YY1AP1: variants seen among roughly 807,000 people sequenced by gnomAD.
The protein encoded by YY1AP1 is YY1 associated protein 1.
A neutral mutation model predicts 39.9 loss-of-function variants in YY1AP1; 43 were observed. The observed-to-expected ratio is 1.08, with a 90% CI of 0.84 to 1.39. The LOEUF is 1.39. Among genes scored for constraint, YY1AP1 ranks in the 40% most tolerant of loss-of-function variants. The pLI, the probability that YY1AP1 is intolerant of heterozygous loss-of-function variation, is 0.00. For synonymous variants in YY1AP1, 292 were observed against 331.3 expected, an observed-to-expected ratio of 0.88 and a Z score of 1.29; for missense variants, 813 against 900.7, an observed-to-expected ratio of 0.90 and a Z score of 1.25.
intron 2 of YY1AP1, among the ~76,000 whole-genome samples, chr1:155,684,768 T>C (rs1651991095): frequency 6.6e-6 from 1 of 152,154 alleles, no homozygotes; most frequent in Non-Finnish European, 1.5e-5. Context: ...TGTATTTTAG[T>C]AGAGACGGGG....
chr1:155,659,502 A>C lies in YY1AP1; in HGVS notation c.*155T>G. 1.4e-6 allele frequency: 1 copy of C among 708,854 alleles called. No individual in the cohort carries two copies. Among genetic ancestry groups the C allele is most frequent in the African/African-American group, 1.8e-5 (1 of 56,602 alleles). The allele number at this position is 708,854 out of a possible 1,614,324, so 43.9% of individuals were successfully genotyped here. On this transcript the variant is annotated 3_prime_UTR_variant, in exon 11 of 11. Coordinates refer to ENST00000355499, the MANE Select transcript of YY1AP1 (RefSeq NM_139119.3). ...ATTGAAGCAAAAGTATATTCCACAG[A>C]GTGGGAGCAGGCTAAAGCAAGCTGC...
At chr1:155,674,581 C>T (rs1650354016) in intron 6 of YY1AP1, 1 of 166,846 alleles carries the variant, frequency 6.0e-6, no homozygotes, top group Admixed American at 6.0e-5. Flanking sequence ...AATCCCAGTA[C>T]TTTGGGAGGT....
At chr1:155,661,509 C>T in intron 9 of YY1AP1, 86 bp from the exon 10 acceptor site, 2 of 1,295,886 alleles carry the variant, frequency 1.5e-6, no homozygotes, top group Admixed American at 2.0e-5. Context: ...GGTGGTGGAT[C>T]AAGAGAAACA....
chr1:155,659,748 T>C lies in YY1AP1; in HGVS notation c.2162A>G (p.Glu721Gly). 1.2e-6 allele frequency: 2 copies of C among 1,614,222 alleles called. No individual in the cohort carries two copies. The highest frequency in any genetic ancestry group is 1.7e-6 in the Non-Finnish European group (2 of 1,180,038). The stretch of plus-strand genomic sequence containing the variant: ...CCCAGGGGAAGAGTTGTTTAGAGAC[T>C]CCTGGATGCCCTGAGGGAGCGGCTC... ...ALEPLPQGIQ[E>G]SLNNSSPGDL... Residue 721 changes from glutamate (E) to glycine (G), a missense_variant, in exon 11 of 11, where the codon GAG (glutamate) becomes GGG (glycine). Coordinates refer to ENST00000355499, the MANE Select transcript of YY1AP1 (RefSeq NM_139119.3).
rs574585167 is a variant in YY1AP1 at position 155,688,301 on chromosome 1, C to G, written c.-151-100G>C. The G allele has an allele frequency of 1.9e-6, 3 of 1,567,776 alleles. No individual in the cohort carries two copies. Among genetic ancestry groups the G allele is most frequent in the African/African-American group, 1.4e-5 (1 of 73,776 alleles). The stretch of plus-strand genomic sequence containing the variant: ...AACCGACACTGGGATCGTTTCCCCT[C>G]GCAAAGCGAACCCAAAATGGCGGCG... On this transcript the variant is annotated intron_variant, in intron 1 of 10. Transcript: ENST00000355499.
Position 155,670,467 on chromosome 1 carries a change from A to C in YY1AP1, c.584-3T>G, listed in dbSNP as rs767390195. The C allele has an allele frequency of 3.1e-6, 5 of 1,613,714 alleles. No homozygotes were observed. Among genetic ancestry groups the C allele is most frequent in the Non-Finnish European group, 4.2e-6 (5 of 1,179,950 alleles). On this transcript the variant is annotated splice_polypyrimidine_tract_variant and splice_region_variant and intron_variant, in intron 7 of 10. Coordinates refer to ENST00000355499, the MANE Select transcript of YY1AP1 (RefSeq NM_139119.3). ...TGGCAAACAGGGAAATTCATTGGCT[A>C]TAAGAAAATAAATCTCTGATAAATC...
chr1:155,686,839 G>A (rs1384342543), intron 2 of YY1AP1, among the ~76,000 whole-genome samples: 1 of 151,834 alleles, frequency 6.6e-6, no homozygotes, highest in Non-Finnish European at 1.5e-5. Flanking sequence ...GACACAATCG[G>A]TCTCCCCCAA....
chr1:155,684,593 CAG>C (rs1364883942), intron 2 of YY1AP1, among the ~76,000 whole-genome samples: 3 of 143,204 alleles, frequency 2.1e-5, no homozygotes, highest in Non-Finnish European at 4.5e-5. Context: ...TTTTGTGAGA[CAG>C]AGTGTTGCTC....
chr1:155,669,612 C>T (rs529462950), intron 8 of YY1AP1, among the ~76,000 whole-genome samples: 24 of 152,248 alleles, frequency 1.6e-4, no homozygotes, highest in African/African-American at 5.5e-4. Flanking sequence ...ATAATAGGTA[C>T]CCCGTCAGAC....
At chr1:155,679,624 C>A in intron 3 of YY1AP1, 112 bp from the exon 4 acceptor site, 1 of 1,560,528 alleles carries the variant, frequency 6.4e-7, no homozygotes, top group Non-Finnish European at 8.7e-7. Context: ...ATGCTGGCAC[C>A]CAGAAAGAGC....
intron 10 of YY1AP1, 129 bp downstream of exon 10, chr1:155,661,178 G>A (rs2149021551): frequency 6.2e-7 from 1 of 1,601,610 alleles, no homozygotes; most frequent in East Asian, 2.2e-5. Flanking sequence ...GAAGAAAGGT[G>A]AATCAGGAAG....
intron 5 of YY1AP1, 22 bp downstream of exon 5, chr1:155,676,526 A>G (rs751263214): frequency 1.2e-6 from 2 of 1,613,892 alleles, no homozygotes; most frequent in Admixed American, 1.7e-5. Flanking sequence ...TTCAATATTA[A>G]TATGACCAAG....
chr1:155,686,548 T>G (rs1267349718), intron 2 of YY1AP1, among the ~76,000 whole-genome samples: 1 of 151,184 alleles, frequency 6.6e-6, no homozygotes, highest in Non-Finnish European at 1.5e-5. Flanking sequence ...CAGAGACACC[T>G]TGATGATCCT....
upstream of YY1AP1, chr1:155,688,786 G>T: frequency 6.5e-7 from 1 of 1,541,068 alleles, no homozygotes. Context: ...CTCCTCGCGC[G>T]TGCGCCTCCC....
At chr1:155,679,544 G>GGGCATTCCCCA in intron 3 of YY1AP1, 32 bp from the exon 4 acceptor site, 1 of 1,613,948 alleles carries the variant, frequency 6.2e-7, no homozygotes. Flanking sequence ...GGTTTTCCTG[G>GGGCATTCCCCA]GGAATGGGCT....
At chr1:155,666,881 T>TC (rs1372963767) in intron 9 of YY1AP1, among the ~76,000 whole-genome samples, 1 of 152,116 alleles carries the variant, frequency 6.6e-6, no homozygotes, top group Non-Finnish European at 1.5e-5. Flanking sequence ...ATGCCTGTAG[T>TC]CCCAGCTACT....
chr1:155,686,963 A>C (rs1260843641), intron 2 of YY1AP1, among the ~76,000 whole-genome samples: 1 of 151,562 alleles, frequency 6.6e-6, no homozygotes, highest in Non-Finnish European at 1.5e-5. Context: ...TAGTAGTGAA[A>C]ATATGGGAGT....
intron 5 of YY1AP1, among the ~76,000 whole-genome samples, chr1:155,676,098 T>C (rs1190637706): frequency 3.3e-5 from 5 of 152,146 alleles, no homozygotes; most frequent in African/African-American, 1.2e-4. Flanking sequence ...GGCGAGTCCC[T>C]GTAGTCACAG....
intron 4 of YY1AP1, chr1:155,679,195 C>G: frequency 6.7e-7 from 1 of 1,500,764 alleles, no homozygotes; most frequent in Admixed American, 2.0e-5. Context: ...ACTGTTTTTT[C>G]TCCCTTCCCA....
Sources: gnomAD v4.1 joint callset for allele counts (sites outside exome capture counted in the v4.1 genomes callset) on GRCh38, gnomAD v4.1.1 for gene constraint, MANE v1.5 for transcripts, NCBI Gene and HGNC (gene_info 2026-07-23, HGNC 2026-07-21) for gene names.